L3MBTL4: variants seen among roughly 807,000 people sequenced by gnomAD.
L3MBTL4 encodes L3MBTL histone methyl-lysine binding protein 4.
L3MBTL4 carries 70 observed loss-of-function variants against 84.5 expected under a neutral mutation model. The observed-to-expected ratio is 0.83, with a 90% CI of 0.68 to 1.01. The LOEUF (loss-of-function observed/expected upper bound fraction) is 1.01, where lower values mean the gene tolerates loss of function less well. Among genes scored for constraint, L3MBTL4 ranks in the 50% least tolerant of loss-of-function variants. L3MBTL4 has a pLI of 0.00. For synonymous variants in L3MBTL4, 274 were observed against 259.8 expected (o/e 1.05, Z -0.52); for missense variants, 715 against 754.8 (o/e 0.95, Z 0.62).
intron 16 of L3MBTL4, among the ~76,000 whole-genome samples, chr18:6,038,252 T>G (rs1353621607): frequency 3.3e-4 from 1 of 3,062 alleles, no homozygotes; most frequent in South Asian, 0.031. Flanking sequence ...TTTCTGGATC[T>G]TTTTTTTTTT....
rs2056125317 is a variant in L3MBTL4, at chr18:6,414,729, C to T, written c.-91+72G>A. ...CTACCTGCCCGGGGATGGGGCCACCCCGCGCGGCGGCGGCCGTGGGCACCC... is the reference window on the plus strand; with the variant it reads ...CTACCTGCCCGGGGATGGGGCCACCTCGCGCGGCGGCGGCCGTGGGCACCC... On this transcript the variant is annotated intron_variant, in intron 1 of 18. Transcript: ENST00000317931. This position sits in a 1 kb window ranked among gnomAD's most constrained non-coding sequence, Gnocchi z 5.4. 1 of 151,916 alleles carries T rather than the reference C, an allele frequency of 6.6e-6. No homozygotes were observed. The highest frequency in any genetic ancestry group is 2.1e-4 in the South Asian group (1 of 4,834). The allele number at this position is 151,916 out of a possible 1,614,324, so 9.4% of individuals were successfully genotyped here. A position where few individuals can be genotyped will look rare whatever the true frequency, so the allele number is the denominator to read the frequency against.
In L3MBTL4 at chr18:6,171,931, A is replaced by G. The variant is rs111879746; in HGVS notation, c.993T>C (p.Asp331=). Residue 331 remains aspartate, a synonymous_variant, in exon 13 of 19, where the codon GAT becomes GAC. Coordinates refer to ENST00000317931, the MANE Select transcript of L3MBTL4 (RefSeq NM_001330559.2). ...VDDQRVKVHF[D]GWDHKYDYWV... Reference sequence around the variant, plus strand: ...AGTAGTCATACTTATGGTCCCAACCATCAAAATGAACCTGTTAAAACGAGT... The same window carrying G: ...AGTAGTCATACTTATGGTCCCAACCGTCAAAATGAACCTGTTAAAACGAGT... 2.0e-3 allele frequency: 3,059 copies of G among 1,541,888 alleles called. 52 individuals are homozygous for G. The African/African-American group carries it at 0.037, about 19-fold the overall frequency.
chr18:5,999,918 G>A lies in L3MBTL4; in HGVS notation c.1445-30356C>T, dbSNP rs987890294. 2.6e-5 allele frequency among the ~76,000 whole-genome samples: 4 copies of A among 152,106 alleles called. No individual in the cohort carries two copies. In the East Asian group the frequency reaches 5.8e-4, roughly 22 times the overall value. ...TGTTCAAGGAGTTAGAGTTTTCAGGGCTACACAGAGAATAGTCCAGAGGAG... is the reference window on the plus strand; with the variant it reads ...TGTTCAAGGAGTTAGAGTTTTCAGGACTACACAGAGAATAGTCCAGAGGAG... On this transcript the variant is annotated intron_variant, in intron 16 of 18. Coordinates refer to ENST00000317931, the MANE Select transcript of L3MBTL4 (RefSeq NM_001330559.2).
intron 18 of L3MBTL4, 65 bp downstream of exon 18, chr18:5,960,025 CATAT>C: frequency 1.2e-5 from 3 of 255,288 alleles, no homozygotes; most frequent in East Asian, 9.9e-5. Context: ...TATATATATA[CATAT>C]ATATATATAC....
At position 6,374,366 on chromosome 18, in the gene L3MBTL4, T is replaced by G. The variant is rs902848572; in HGVS notation, c.-91+40435A>C. The G allele has an allele frequency of 3.9e-5, 6 of 154,956 alleles. No individual in the cohort carries two copies. The Middle Eastern group carries it at 3.1e-3, about 81-fold the overall frequency. 9.6% of individuals were successfully genotyped at this position (154,956 alleles called of 1,614,324 possible). A position where few individuals can be genotyped will look rare whatever the true frequency, so the allele number is the denominator to read the frequency against. On this transcript the variant is annotated intron_variant, in intron 1 of 18. Transcript: ENST00000317931. ...GGACCAAGCCTGGCACGCTAGTGTT[T>G]GCTAAAACATTTTATCAAGAGAGCT...
chr18:6,152,397 T>C (rs914613122), intron 13 of L3MBTL4, among the ~76,000 whole-genome samples: 2 of 152,180 alleles, frequency 1.3e-5, no homozygotes, highest in African/African-American at 4.8e-5. Context: ...CCAATTCTTG[T>C]TATCTTTTGT....
intron 5 of L3MBTL4, among the ~76,000 whole-genome samples, chr18:6,263,120 A>C (rs1011980559): frequency 5.3e-5 from 8 of 152,202 alleles, no homozygotes; most frequent in African/African-American, 1.9e-4. Flanking sequence ...TAATACAAAA[A>C]TTAGCTGGGC....
intron 10 of L3MBTL4, among the ~76,000 whole-genome samples, chr18:6,224,860 A>T (rs2046709252): frequency 6.6e-6 from 1 of 152,194 alleles, no homozygotes; most frequent in Non-Finnish European, 1.5e-5. Context: ...ACATCAAAGT[A>T]TAACTAAGAT....
chr18:5,993,456 A>G (rs923752542), intron 16 of L3MBTL4, among the ~76,000 whole-genome samples: 1 of 152,188 alleles, frequency 6.6e-6, no homozygotes, highest in Non-Finnish European at 1.5e-5. Context: ...TATGCCCACT[A>G]TTTTGGGTCG....
intron 16 of L3MBTL4, among the ~76,000 whole-genome samples, chr18:6,038,876 G>A (rs921540053): frequency 1.3e-5 from 2 of 151,960 alleles, no homozygotes; most frequent in African/African-American, 2.4e-5. Flanking sequence ...AACCCCCTAC[G>A]GTTTTTGGAG....
At chr18:6,244,714 T>C (rs1266002943) in intron 5 of L3MBTL4, 126 bp from the exon 6 acceptor site, 1 of 682,380 alleles carries the variant, frequency 1.5e-6, no homozygotes, top group African/African-American at 1.8e-5. Flanking sequence ...AGTAGAATGG[T>C]GTCTACCAGA....
At chr18:6,218,856 T>G (rs2046432212) in intron 10 of L3MBTL4, among the ~76,000 whole-genome samples, 1 of 151,114 alleles carries the variant, frequency 6.6e-6, no homozygotes, top group South Asian at 2.1e-4. Flanking sequence ...GCAGGGGGAG[T>G]GGGAGGGGCC....
chr18:6,399,692 A>G (rs904231203), intron 1 of L3MBTL4: 2 of 152,246 alleles, frequency 1.3e-5, no homozygotes, highest in Non-Finnish European at 2.9e-5. Flanking sequence ...TTTAGGTAAT[A>G]TAGCTAATGG....
At chr18:6,062,597 G>C (rs1425098922) in intron 16 of L3MBTL4, among the ~76,000 whole-genome samples, 3 of 151,446 alleles carry the variant, frequency 2.0e-5, no homozygotes, top group African/African-American at 7.3e-5. Context: ...TCTCTTTCTG[G>C]TATTCCCATT....
rs979358648 is a variant in L3MBTL4, at chr18:6,044,686, G to A, written c.1444+36195C>T. Among the ~76,000 whole-genome samples the A allele has an allele frequency of 2.0e-5, 3 of 152,244 alleles. 1 individual carries two copies. In the South Asian group the frequency reaches 6.2e-4, roughly 32 times the overall value. ...ACAAGGAAGAAAAAGAGGAAGAAGA[G>A]GAGGGGAAGAAAAAAATATGAGTCA... On this transcript the variant is annotated intron_variant, in intron 16 of 18. Transcript: ENST00000317931.
chr18:6,327,932 A>T (rs1244839846), intron 1 of L3MBTL4, among the ~76,000 whole-genome samples: 1 of 152,210 alleles, frequency 6.6e-6, no homozygotes, highest in Admixed American at 6.5e-5. Context: ...TACTCCCTCA[A>T]CAGCAATCAT....
chr18:5,981,378 TA>T (rs1399984353), intron 16 of L3MBTL4, among the ~76,000 whole-genome samples: 6 of 152,214 alleles, frequency 3.9e-5, no homozygotes, highest in Non-Finnish European at 1.5e-5. Flanking sequence ...TGGTATTCCA[TA>T]GACTTCAGTC....
intron 4 of L3MBTL4, among the ~76,000 whole-genome samples, chr18:6,301,408 A>C (rs1294001030): frequency 1.3e-5 from 2 of 152,354 alleles, no homozygotes; most frequent in South Asian, 4.1e-4. Context: ...TTAAATTTAA[A>C]GCATCAGAGA....
At chr18:5,984,238 T>A (rs755819564) in intron 16 of L3MBTL4, among the ~76,000 whole-genome samples, 1 of 152,350 alleles carries the variant, frequency 6.6e-6, no homozygotes, top group African/African-American at 2.4e-5. Context: ...AAAGGCCATG[T>A]AAATTTATTA....
Sources: allele counts gnomAD v4.1 joint callset (sites outside exome capture counted in the v4.1 genomes callset), GRCh38; gene constraint gnomAD v4.1.1; non-coding constraint Gnocchi (gnomAD v3.1); transcripts MANE v1.5; gene names NCBI Gene and HGNC (gene_info 2026-07-23, HGNC 2026-07-21).